SNX29: variants seen among roughly 807,000 people sequenced by gnomAD.
The protein encoded by SNX29 is sorting nexin 29, also known as sorting nexin-29.
In SNX29, 78 loss-of-function variants were observed where a neutral mutation model predicts 102.1. The ratio of observed to expected loss-of-function variants is 0.76; its 90% CI spans 0.64 to 0.92. SNX29 has a LOEUF of 0.92. Among genes scored for constraint, SNX29 ranks in the 40% least tolerant of loss-of-function variants. SNX29 has a pLI of 0.00. For missense variants in SNX29, 1,280 were observed against 1,061.7 expected, an observed-to-expected ratio of 1.21 and a Z score of -2.86; for synonymous variants, 580 against 414.5, an observed-to-expected ratio of 1.40 and a Z score of -4.85.
chr16:12,042,791 G>A, intron 4 of SNX29, 106 bp from the exon 5 acceptor site: 1 of 1,142,820 alleles, frequency 8.8e-7, no homozygotes, highest in Non-Finnish European at 1.2e-6. Context: ...ATGCTAAGGG[G>A]ATACTCTGTT....
chr16:12,309,683 G>A (rs1362180439), intron 15 of SNX29, among the ~76,000 whole-genome samples: 2 of 152,154 alleles, frequency 1.3e-5, no homozygotes, highest in African/African-American at 4.8e-5. Context: ...GAGGGAGGTG[G>A]GTTCTCACTC....
At chr16:12,207,948 A>G (rs528613002) in intron 14 of SNX29, among the ~76,000 whole-genome samples, 92 of 152,222 alleles carry the variant, frequency 6.0e-4, no homozygotes, top group African/African-American at 2.1e-3. Flanking sequence ...TCTTTTATTA[A>G]TCAAGTACAC....
chr16:12,401,418 G>A (rs1198017530), intron 17 of SNX29, among the ~76,000 whole-genome samples: 2 of 135,714 alleles, frequency 1.5e-5, no homozygotes, highest in East Asian at 4.5e-4. Context: ...AGGCTGGAGT[G>A]CAGTGGTGTG....
intron 18 of SNX29, among the ~76,000 whole-genome samples, chr16:12,469,850 A>G (rs923740518): frequency 1.4e-4 from 22 of 152,144 alleles, no homozygotes; most frequent in Admixed American, 2.6e-4. Context: ...GTCTCTACTA[A>G]CAATACAAAA....
At chr16:12,482,879 T>C (rs1210949512) in intron 19 of SNX29, among the ~76,000 whole-genome samples, 1 of 152,194 alleles carries the variant, frequency 6.6e-6, no homozygotes, top group Non-Finnish European at 1.5e-5. Flanking sequence ...GTATAGTGTG[T>C]GGACCCAGCA....
At chr16:12,230,066 A>T (rs1596567721) in intron 14 of SNX29, among the ~76,000 whole-genome samples, 1 of 152,358 alleles carries the variant, frequency 6.6e-6, no homozygotes, top group East Asian at 1.9e-4. Flanking sequence ...ATGCCAATAA[A>T]ACTTTATTTA....
At chr16:11,983,584 A>G in intron 1 of SNX29, 3 of 925,862 alleles carry the variant, frequency 3.2e-6, no homozygotes, top group African/African-American at 1.8e-5. Flanking sequence ...TTGATCTATG[A>G]TGGTGGAATG....
In SNX29 at chr16:12,356,053, C is replaced by G. The variant is rs1040306037; in HGVS notation, c.1783-110C>G. ...GTGTCATTGACTCCAGCCCCAACAG[C>G]CTACAGATGTTTTGCTGACAGGTGT... On this transcript the variant is annotated intron_variant, in intron 15 of 20. Coordinates refer to ENST00000566228, the MANE Select transcript of SNX29 (RefSeq NM_032167.5). The G allele has an allele frequency of 7.5e-6, 7 of 927,306 alleles. No individual in the cohort carries two copies. The African/African-American group carries it at 9.8e-5, about 13-fold the overall frequency. 57.4% of individuals were successfully genotyped at this position (927,306 alleles called of 1,614,324 possible). A position where few individuals can be genotyped will look rare whatever the true frequency, so the allele number is the denominator to read the frequency against.
At chr16:12,216,821 C>G (rs1298890476) in intron 14 of SNX29, among the ~76,000 whole-genome samples, 1 of 149,234 alleles carries the variant, frequency 6.7e-6, no homozygotes, top group African/African-American at 2.5e-5. Flanking sequence ...CATTCATCTT[C>G]TCCATTTCTA....
At chr16:11,981,843 T>C (rs1005513186) in intron 1 of SNX29, among the ~76,000 whole-genome samples, 4 of 151,964 alleles carry the variant, frequency 2.6e-5, no homozygotes, top group African/African-American at 9.7e-5. Context: ...GCCTCAGAAA[T>C]GTTAAAAGGA....
At chr16:12,130,063 C>G (rs1484830818) in intron 13 of SNX29, among the ~76,000 whole-genome samples, 1 of 151,418 alleles carries the variant, frequency 6.6e-6, no homozygotes, top group Non-Finnish European at 1.5e-5. Context: ...GAAATCACAC[C>G]ACTGCATTCC....
chr16:12,217,988 T>C (rs374620762), intron 14 of SNX29, among the ~76,000 whole-genome samples: 34 of 152,252 alleles, frequency 2.2e-4, no homozygotes, highest in African/African-American at 8.0e-4. Context: ...TGACTTGTTA[T>C]CACTTTTCCC....
intron 14 of SNX29, among the ~76,000 whole-genome samples, chr16:12,275,245 T>G (rs2079208600): frequency 2.0e-5 from 3 of 152,294 alleles, no homozygotes; most frequent in Admixed American, 1.3e-4. Context: ...TTCCATTCCC[T>G]GGCTTAGAGG....
At chr16:12,070,082 G>C (rs1614512) in intron 10 of SNX29, among the ~76,000 whole-genome samples, 1 of 152,202 alleles carries the variant, frequency 6.6e-6, no homozygotes, top group Non-Finnish European at 1.5e-5. Flanking sequence ...GAAGGGCTTA[G>C]TATGCTGTCT....
chr16:12,225,408 C>A (rs756335195), intron 14 of SNX29, among the ~76,000 whole-genome samples: 2 of 152,156 alleles, frequency 1.3e-5, no homozygotes, highest in Admixed American at 1.3e-4. Context: ...TTCCCATGCT[C>A]TTCTCATGAT....
chr16:12,382,557 G>A (rs779122638), intron 16 of SNX29, among the ~76,000 whole-genome samples: 34 of 152,250 alleles, frequency 2.2e-4, no homozygotes, highest in Non-Finnish European at 2.8e-4. Context: ...GCCTGGTGCT[G>A]AGCATGCGGT....
chr16:12,266,382 C>T (rs76539604), intron 14 of SNX29, among the ~76,000 whole-genome samples: 4,575 of 152,134 alleles, frequency 0.03, 102 homozygotes, highest in Admixed American at 0.062. Context: ...GGCTTAGTGC[C>T]CCAGGACTGC....
At chr16:12,545,822 A>G (rs1402876233) in intron 20 of SNX29, among the ~76,000 whole-genome samples, 1 of 152,102 alleles carries the variant, frequency 6.6e-6, no homozygotes, top group Non-Finnish European at 1.5e-5. Context: ...CTGACTCTCC[A>G]GACCTGTGGG....
intron 11 of SNX29, among the ~76,000 whole-genome samples, chr16:12,103,463 T>C (rs1200326814): frequency 1.3e-5 from 2 of 152,220 alleles, no homozygotes; most frequent in African/African-American, 2.4e-5. Flanking sequence ...ATTTAATAAA[T>C]GGTGCTGGGA....
Sources: gnomAD v4.1 joint callset for allele counts (sites outside exome capture counted in the v4.1 genomes callset) on GRCh38, gnomAD v4.1.1 for gene constraint, MANE v1.5 for transcripts, NCBI Gene and HGNC (gene_info 2026-07-23, HGNC 2026-07-21) for gene names.